LATS2: variants seen among roughly 807,000 people sequenced by gnomAD.
LATS2 encodes the protein large tumor suppressor kinase 2, also known as serine/threonine-protein kinase LATS2.
LATS2 carries 24 observed loss-of-function variants against 76.0 expected under a neutral mutation model. The ratio of observed to expected loss-of-function variants is 0.32; its 90% CI spans 0.23 to 0.44. The LOEUF is 0.44. Ranked by LOEUF, LATS2 falls within the 20% of genes least tolerant of loss-of-function variation. The pLI is 1.00. For synonymous variants in LATS2, 692 were observed against 635.4 expected, an observed-to-expected ratio of 1.09 and a Z score of -1.34; for missense variants, 1,286 against 1,481.2, an observed-to-expected ratio of 0.87 and a Z score of 2.16.
At chr13:21,025,406 A>C (rs7335482) in intron 2 of LATS2, among the ~76,000 whole-genome samples, 12,185 of 147,662 alleles carry the variant, frequency 0.083, 1,138 homozygotes, top group East Asian at 0.43. Flanking sequence ...AAAAAAAAAA[A>C]AAAAAAAATT....
chr13:21,034,001 C>T (rs1048068725), intron 2 of LATS2, among the ~76,000 whole-genome samples: 9 of 152,064 alleles, frequency 5.9e-5, no homozygotes, highest in African/African-American at 1.9e-4. Flanking sequence ...GGTAGGACAA[C>T]GATCTTATTA....
At chr13:21,037,495 G>A (rs1302835356) in intron 2 of LATS2, among the ~76,000 whole-genome samples, 1 of 152,194 alleles carries the variant, frequency 6.6e-6, no homozygotes, top group Non-Finnish European at 1.5e-5. Flanking sequence ...GTGCTTCTCT[G>A]TTAGGTGTTT....
At chr13:20,976,274 T>C (rs1269615431) in intron 7 of LATS2, among the ~76,000 whole-genome samples, 1 of 152,108 alleles carries the variant, frequency 6.6e-6, no homozygotes, top group Non-Finnish European at 1.5e-5. Flanking sequence ...GCATGGAAGT[T>C]AGTGGGTGTG....
At chr13:21,038,889 C>A (rs982350929) in intron 2 of LATS2, among the ~76,000 whole-genome samples, 1 of 152,190 alleles carries the variant, frequency 6.6e-6, no homozygotes, top group Non-Finnish European at 1.5e-5. Context: ...TGAGGCATGG[C>A]GCATTGCTTG....
intron 1 of LATS2, among the ~76,000 whole-genome samples, chr13:21,057,953 A>G (rs1873500424): frequency 6.6e-6 from 1 of 152,226 alleles, no homozygotes; most frequent in Admixed American, 6.5e-5. Context: ...AATAAAGCCC[A>G]TTACAGAGAG....
At chr13:21,006,087 A>G (rs538129396) in intron 2 of LATS2, among the ~76,000 whole-genome samples, 1 of 152,048 alleles carries the variant, frequency 6.6e-6, no homozygotes, top group South Asian at 2.1e-4. Context: ...CGGTGGGCCA[A>G]TATCATGCCA....
At chr13:20,999,244 G>T (rs1408230662) in intron 2 of LATS2, among the ~76,000 whole-genome samples, 5 of 152,238 alleles carry the variant, frequency 3.3e-5, no homozygotes, top group African/African-American at 1.2e-4. Context: ...CCCAGCCGTG[G>T]CCGCCTCCGA....
intron 6 of LATS2, among the ~76,000 whole-genome samples, chr13:20,980,275 C>T (rs544550158): frequency 6.6e-6 from 1 of 152,190 alleles, no homozygotes; most frequent in African/African-American, 2.4e-5. Flanking sequence ...CACTGTAAGC[C>T]AAACACTCCT....
rs1267793134 is a variant in LATS2, at chr13:20,991,875, T to C, written c.343-471A>G. On this transcript the variant is annotated intron_variant, in intron 2 of 7. Coordinates refer to ENST00000382592, the MANE Select transcript of LATS2 (RefSeq NM_014572.3). The surrounding 1 kb of genome is among the most constrained non-coding windows in gnomAD (Gnocchi z 4.9). ...GGTGCAGCTGCCGAAGAGTCATATA[T>C]TACACGCCTACTGTTTACAATGCCC... 6.6e-6 allele frequency among the ~76,000 whole-genome samples: 1 copy of C among 152,170 alleles called. No homozygotes were observed. The highest frequency in any genetic ancestry group is 1.5e-5 in the Non-Finnish European group (1 of 68,036).
chr13:21,004,715 C>T (rs1871198182), intron 2 of LATS2, among the ~76,000 whole-genome samples: 1 of 152,114 alleles, frequency 6.6e-6, no homozygotes, highest in Admixed American at 6.5e-5. Flanking sequence ...AACAGTATCC[C>T]GAATCCAAGG....
intron 2 of LATS2, among the ~76,000 whole-genome samples, chr13:21,000,441 T>G (rs1870991115): frequency 1.3e-5 from 2 of 152,128 alleles, no homozygotes; most frequent in Non-Finnish European, 2.9e-5. Context: ...TGGTCATGTA[T>G]AAACCAAAAA....
At chr13:21,057,635 TAA>T (rs548607717) in intron 1 of LATS2, among the ~76,000 whole-genome samples, 6 of 142,530 alleles carry the variant, frequency 4.2e-5, no homozygotes, top group Non-Finnish European at 4.6e-5. Context: ...CTACTAAAAG[TAA>T]AAAAAAAAAA....
In LATS2 at chr13:20,973,920, T is replaced by C. The variant is rs1869456582; in HGVS notation, c.*950A>G. 4.5e-6 allele frequency: 1 copy of C among 220,390 alleles called. No individual in the cohort carries two copies. Among genetic ancestry groups the C allele is most frequent in the East Asian group, 7.0e-5 (1 of 14,348 alleles). 13.7% of individuals were successfully genotyped at this position (220,390 alleles called of 1,614,324 possible). A position where few individuals can be genotyped will look rare whatever the true frequency, so the allele number is the denominator to read the frequency against. On this transcript the variant is annotated 3_prime_UTR_variant, in exon 8 of 8. Transcript: ENST00000382592. ...GTGATTAAACTTTTTGGCATCGCTG[T>C]ATTAATCCCTTTTGATGTATATAAG...
intron 1 of LATS2, 58 bp downstream of exon 1, chr13:21,061,288 C>G (rs1873638930): frequency 6.6e-6 from 1 of 152,336 alleles, no homozygotes; most frequent in Admixed American, 6.5e-5. Context: ...GACCGCTTCG[C>G]GGAAACTCTC....
chr13:21,051,514 T>C (rs940337584), intron 1 of LATS2, among the ~76,000 whole-genome samples: 5 of 152,120 alleles, frequency 3.3e-5, no homozygotes, highest in African/African-American at 1.2e-4. Flanking sequence ...AAAGGACTGA[T>C]ATGAAAGATG....
At chr13:21,020,284 C>T (rs913056751) in intron 2 of LATS2, among the ~76,000 whole-genome samples, 3 of 152,164 alleles carry the variant, frequency 2.0e-5, no homozygotes, top group Non-Finnish European at 4.4e-5. Flanking sequence ...TGAAAGTACA[C>T]GCCCCCTTTC....
chr13:21,051,566 C>T (rs61121623), intron 1 of LATS2, among the ~76,000 whole-genome samples: 2,416 of 152,210 alleles, frequency 0.016, 57 homozygotes, highest in African/African-American at 0.055. Flanking sequence ...AGTGGTGGTG[C>T]CATTCTCTGA....
At chr13:21,043,789 T>TG (rs1419384821) in intron 2 of LATS2, among the ~76,000 whole-genome samples, 2 of 152,218 alleles carry the variant, frequency 1.3e-5, no homozygotes, top group African/African-American at 2.4e-5. Flanking sequence ...CACCTGTATT[T>TG]GGGATTATTT....
intron 2 of LATS2, among the ~76,000 whole-genome samples, chr13:21,021,110 G>A (rs1307691821): frequency 6.6e-6 from 1 of 152,126 alleles, no homozygotes; most frequent in East Asian, 1.9e-4. Flanking sequence ...GTCAAAACTG[G>A]TCAGTGAGTA....
Sources: allele counts gnomAD v4.1 joint callset (sites outside exome capture counted in the v4.1 genomes callset), GRCh38; gene constraint gnomAD v4.1.1; non-coding constraint Gnocchi (gnomAD v3.1); transcripts MANE v1.5; gene names NCBI Gene and HGNC (gene_info 2026-07-23, HGNC 2026-07-21).